EXT1: variants seen among roughly 807,000 people sequenced by gnomAD.
The protein encoded by EXT1 is exostosin-1.
EXT1 carries 20 observed loss-of-function variants against 82.5 expected under a neutral mutation model. That is an observed-to-expected ratio of 0.24 (90% confidence interval 0.17 to 0.35). The LOEUF is 0.35. EXT1 is among the 10% of genes least tolerant of loss of function. The pLI, the probability that EXT1 is intolerant of heterozygous loss-of-function variation, is 1.00. For synonymous variants in EXT1, 348 were observed against 350.8 expected (o/e 0.99, Z 0.09); for missense variants, 757 against 936.5 (o/e 0.81, Z 2.50).
At chr8:118,035,943 C>A (rs182810310) in intron 1 of EXT1, among the ~76,000 whole-genome samples, 1 of 152,214 alleles carries the variant, frequency 6.6e-6, no homozygotes, top group Non-Finnish European at 1.5e-5. Flanking sequence ...ATAATTTACT[C>A]ATCTCTCTTC....
intron 10 of EXT1, among the ~76,000 whole-genome samples, chr8:117,803,242 T>C (rs796305707): frequency 6.6e-6 from 1 of 152,132 alleles, no homozygotes; most frequent in Non-Finnish European, 1.5e-5. Context: ...TCACCCAGCC[T>C]GAAGTGCAGT....
At chr8:118,041,720 A>AGG (rs1563637857) in intron 1 of EXT1, among the ~76,000 whole-genome samples, 242 of 150,382 alleles carry the variant, frequency 1.6e-3, no homozygotes, top group African/African-American at 5.5e-3. Context: ...GAAGGAAGGA[A>AGG]AAAGAAAAGG....
At chr8:117,809,735 G>A (rs1823293315) in intron 8 of EXT1, among the ~76,000 whole-genome samples, 2 of 152,036 alleles carry the variant, frequency 1.3e-5, no homozygotes, top group Non-Finnish European at 2.9e-5. Flanking sequence ...TTAAAAGGTA[G>A]CAGGGGATGG....
intron 1 of EXT1, among the ~76,000 whole-genome samples, chr8:117,943,875 C>T (rs1020222663): frequency 2.0e-5 from 3 of 152,160 alleles, no homozygotes; most frequent in Admixed American, 6.5e-5. Flanking sequence ...GTTTTGGTTG[C>T]AGGGTCACCT....
chr8:117,948,279 C>T (rs545330563), intron 1 of EXT1, among the ~76,000 whole-genome samples: 14 of 124,132 alleles, frequency 1.1e-4, no homozygotes, highest in Admixed American at 1.1e-3. Flanking sequence ...GCATGCACAG[C>T]GAGGTGAGAG....
At chr8:118,017,681 T>G (rs1816027418) in intron 1 of EXT1, among the ~76,000 whole-genome samples, 1 of 152,264 alleles carries the variant, frequency 6.6e-6, no homozygotes, top group African/African-American at 2.4e-5. Flanking sequence ...AAATGGCTTT[T>G]GCAAATTATC....
chr8:117,826,690 GA>G (rs1424292602), intron 4 of EXT1, among the ~76,000 whole-genome samples: 3 of 152,122 alleles, frequency 2.0e-5, no homozygotes, highest in African/African-American at 7.2e-5. Flanking sequence ...ACTTGGTTGA[GA>G]GGTCAAACTG....
intron 1 of EXT1, among the ~76,000 whole-genome samples, chr8:118,046,227 G>A (rs1816620409): frequency 6.6e-6 from 1 of 151,780 alleles, no homozygotes; most frequent in African/African-American, 2.4e-5. Flanking sequence ...GCTCCTCCCT[G>A]GTTACCTAAT....
intron 1 of EXT1, among the ~76,000 whole-genome samples, chr8:118,094,135 T>G (rs914139745): frequency 6.6e-6 from 1 of 152,246 alleles, no homozygotes; most frequent in African/African-American, 2.4e-5. Context: ...CCCGTTTTAA[T>G]GTTTTTTCAA....
In EXT1 at chr8:117,944,324, C is replaced by T. The variant is rs529845057; in HGVS notation, c.963-107123G>A. Among the ~76,000 whole-genome samples, 10 of 152,240 alleles carry T rather than the reference C, an allele frequency of 6.6e-5. 1 individual carries two copies. The South Asian group carries it at 8.3e-4, about 13-fold the overall frequency. On this transcript the variant is annotated intron_variant, in intron 1 of 10. Transcript: ENST00000378204. Reference sequence around the variant, plus strand: ...CTGAGGCAGGAGAATCCCTGGAATCCGGGAGGCGGAGGTTGCAGTGAGCAA... The same window carrying T: ...CTGAGGCAGGAGAATCCCTGGAATCTGGGAGGCGGAGGTTGCAGTGAGCAA...
rs145157835 is a variant in EXT1 at position 118,060,767 on chromosome 8, C to G, written c.962+49318G>C. ...AGGGCTGTATCAACATGTCCAGGAA[C>G]AAGCTGGAACACCACCTGGCTCAGC... On this transcript the variant is annotated intron_variant, in intron 1 of 10. Transcript: ENST00000378204. 4.8e-3 allele frequency among the ~76,000 whole-genome samples: 726 copies of G among 152,308 alleles called. 5 individuals are homozygous for G. Among genetic ancestry groups the G allele is most frequent in the African/African-American group, 0.016 (673 of 41,560 alleles).
At chr8:117,913,184 T>C (rs908998543) in intron 1 of EXT1, among the ~76,000 whole-genome samples, 17 of 152,156 alleles carry the variant, frequency 1.1e-4, no homozygotes, top group African/African-American at 3.9e-4. Flanking sequence ...ACTGCACCAC[T>C]ACCCCCAAGC....
intron 1 of EXT1, among the ~76,000 whole-genome samples, chr8:118,074,402 T>A (rs938806006): frequency 6.6e-6 from 1 of 152,118 alleles, no homozygotes; most frequent in Non-Finnish European, 1.5e-5. Context: ...GGGAAGCTAT[T>A]GTGCTCCCGT....
intron 1 of EXT1, among the ~76,000 whole-genome samples, chr8:117,906,266 G>C (rs1291213255): frequency 1.3e-5 from 2 of 152,116 alleles, no homozygotes; most frequent in South Asian, 4.1e-4. Flanking sequence ...TTAATTCTTG[G>C]AACACAAGTT....
chr8:117,973,908 A>C (rs1815009629), intron 1 of EXT1, among the ~76,000 whole-genome samples: 1 of 147,876 alleles, frequency 6.8e-6, no homozygotes, highest in South Asian at 2.2e-4. Context: ...AGAAAAGGAA[A>C]GGAGGGAAGA....
At chr8:117,968,573 T>A (rs1284679234) in intron 1 of EXT1, among the ~76,000 whole-genome samples, 2 of 12,644 alleles carry the variant, frequency 1.6e-4, no homozygotes, top group East Asian at 1.5e-3. Flanking sequence ...TTTTTTTTTT[T>A]TTTTTTTTTT....
chr8:117,869,329 C>T (rs1812830316), intron 1 of EXT1, among the ~76,000 whole-genome samples: 1 of 152,138 alleles, frequency 6.6e-6, no homozygotes, highest in South Asian at 2.1e-4. Context: ...ATTTGTTTGG[C>T]GCAGAGGATT....
chr8:117,832,482 C>T (rs191268937), intron 3 of EXT1, among the ~76,000 whole-genome samples: 32 of 151,236 alleles, frequency 2.1e-4, no homozygotes, highest in African/African-American at 6.6e-4. Context: ...GAGATTGCAC[C>T]GCTGCACTCC....
chr8:118,009,945 C>T (rs1224120031), intron 1 of EXT1, among the ~76,000 whole-genome samples: 1 of 152,164 alleles, frequency 6.6e-6, no homozygotes. Flanking sequence ...TCTTCAACTG[C>T]TGAGGGAATT....
Sources: gnomAD v4.1 joint callset for allele counts (sites outside exome capture counted in the v4.1 genomes callset) on GRCh38, gnomAD v4.1.1 for gene constraint, MANE v1.5 for transcripts, NCBI Gene and HGNC (gene_info 2026-07-23, HGNC 2026-07-21) for gene names.